RASSF9: variants seen among roughly 807,000 people sequenced by gnomAD.
RASSF9 encodes the protein Ras association domain family member 9, also known as ras association domain-containing protein 9.
Under a neutral mutation model 21.4 loss-of-function variants are expected in RASSF9, and 18 were observed. That is an observed-to-expected ratio of 0.84 (90% CI 0.58 to 1.25). The LOEUF is 1.25. Ranked by LOEUF, RASSF9 falls within the 50% of genes most tolerant of loss-of-function variation. The probability of loss-of-function intolerance (pLI) is 0.00; values close to 1 mark genes in which losing one functional copy is unlikely to be tolerated. For synonymous variants in RASSF9, 183 were observed against 179.1 expected, an observed-to-expected ratio of 1.02 and a Z score of -0.18; for missense variants, 480 against 503.2, an observed-to-expected ratio of 0.95 and a Z score of 0.44.
At chr12:85,816,270 A>G (rs1048787987) in intron 1 of RASSF9, among the ~76,000 whole-genome samples, 1 of 151,696 alleles carries the variant, frequency 6.6e-6, no homozygotes, top group Non-Finnish European at 1.5e-5. Context: ...AAGTTTACCT[A>G]TGTAACAAAC....
At chr12:85,832,986 T>C (rs997725194) in intron 1 of RASSF9, among the ~76,000 whole-genome samples, 1 of 151,882 alleles carries the variant, frequency 6.6e-6, no homozygotes, top group African/African-American at 2.4e-5. Flanking sequence ...ATGAAAAGCC[T>C]GATTATATTT....
At chr12:85,806,602 G>C (rs531495432) in intron 1 of RASSF9, among the ~76,000 whole-genome samples, 6 of 148,032 alleles carry the variant, frequency 4.1e-5, no homozygotes, top group African/African-American at 1.2e-4. Context: ...TAATCCAGGA[G>C]GCGGTGGTTG....
intron 1 of RASSF9, among the ~76,000 whole-genome samples, chr12:85,818,956 C>CAAAAAAAAAAAAAAAAAAAAAAAAA: frequency 1.5e-5 from 1 of 66,626 alleles, no homozygotes; most frequent in Non-Finnish European, 2.7e-5. Context: ...GAGACTCCGT[C>CAAAAAAAAAAAAAAAAAAAAAAAAA]AAAAAAAAAA....
At chr12:85,826,526 C>T (rs1880337591) in intron 1 of RASSF9, among the ~76,000 whole-genome samples, 1 of 147,614 alleles carries the variant, frequency 6.8e-6, no homozygotes, top group Non-Finnish European at 1.5e-5. Context: ...CGGTTCACTG[C>T]AAGCTCCGCC....
chr12:85,818,775 A>G (rs1880136143), intron 1 of RASSF9, among the ~76,000 whole-genome samples: 1 of 151,942 alleles, frequency 6.6e-6, no homozygotes, highest in African/African-American at 2.4e-5. Context: ...CCTGGCCAAC[A>G]TGGTGAAACC....
At position 85,820,539 on chromosome 12, in the gene RASSF9, C is replaced by G. The variant is rs1880183478; in HGVS notation, c.48-14577G>C. ...AATATTTAAGGTTTACATGAAACAT[C>G]TATAATGCACAAATTCAACTTTTTT... On this transcript the variant is annotated intron_variant, in intron 1 of 1. Transcript: ENST00000361228. Among the ~76,000 whole-genome samples the G allele has an allele frequency of 2.0e-5, 3 of 152,104 alleles. No homozygotes were observed. In the South Asian group the frequency reaches 6.2e-4, roughly 32 times the overall value.
intron 1 of RASSF9, among the ~76,000 whole-genome samples, chr12:85,833,465 T>C (rs1253954179): frequency 6.6e-6 from 1 of 151,960 alleles, no homozygotes; most frequent in East Asian, 1.9e-4. Context: ...ACTTTGAAGT[T>C]TTAATTGCAT....
intron 1 of RASSF9, among the ~76,000 whole-genome samples, chr12:85,812,585 A>G (rs1879976656): frequency 6.6e-6 from 1 of 151,312 alleles, no homozygotes; most frequent in Admixed American, 6.6e-5. Flanking sequence ...AAATTTAGCT[A>G]AATCTTTTTT....
At chr12:85,820,392 C>T (rs1418400459) in intron 1 of RASSF9, among the ~76,000 whole-genome samples, 1 of 152,134 alleles carries the variant, frequency 6.6e-6, no homozygotes, top group African/African-American at 2.4e-5. Context: ...GAAATTTCTT[C>T]ACTTTAGGAA....
In RASSF9 at chr12:85,801,913, A is replaced by G. The variant is rs529722051; in HGVS notation, c.*2789T>C. 182 of 152,358 alleles carry G rather than the reference A, an allele frequency of 1.2e-3. 1 individual carries two copies. The highest frequency in any genetic ancestry group is 4.2e-3 in the African/African-American group (176 of 41,598). The allele number at this position is 152,358 out of a possible 1,614,324, so 9.4% of individuals were successfully genotyped here. ...AATAAAAATGCTTCTTATGAGAAGT[A>G]CCTCTAAAATATTTCTGGGTTCAGA... On this transcript the variant is annotated 3_prime_UTR_variant, in exon 2 of 2. Transcript: ENST00000361228.
intron 1 of RASSF9, among the ~76,000 whole-genome samples, chr12:85,831,592 G>A (rs1261649345): frequency 5.3e-5 from 8 of 151,800 alleles, no homozygotes; most frequent in African/African-American, 1.9e-4. Context: ...TATAATCAGG[G>A]GAAATCACTT....
In RASSF9 at chr12:85,804,464, T is replaced by A. The variant is rs529399700; in HGVS notation, c.*238A>T. On this transcript the variant is annotated 3_prime_UTR_variant, in exon 2 of 2. Coordinates refer to ENST00000361228, the MANE Select transcript of RASSF9 (RefSeq NM_005447.4). ...TTCCCATCAAATTATTTCTGTGTTC[T>A]ACAACGACAAGCTATTTGTGCTGCA... The A allele has an allele frequency of 1.7e-5, 7 of 414,178 alleles. No individual in the cohort carries two copies. The highest frequency in any genetic ancestry group is 1.4e-4 in the African/African-American group (7 of 49,584). 25.7% of individuals were successfully genotyped at this position (414,178 alleles called of 1,614,324 possible). A position where few individuals can be genotyped will look rare whatever the true frequency, so the allele number is the denominator to read the frequency against.
intron 1 of RASSF9, among the ~76,000 whole-genome samples, chr12:85,808,081 A>G (rs911417657): frequency 2.6e-5 from 4 of 152,146 alleles, no homozygotes; most frequent in African/African-American, 9.6e-5. Context: ...CCTGCCTTCT[A>G]TAATAATTTA....
chr12:85,804,636 T>G lies in RASSF9; in HGVS notation c.*66A>C. On this transcript the variant is annotated 3_prime_UTR_variant, in exon 2 of 2. Transcript: ENST00000361228. ...ATTTTTTTGAGTGTTATATTTAAAA[T>G]GAGGTTTCCTATTAAATTAAACAAA... 14 of 1,395,296 alleles carry G rather than the reference T, an allele frequency of 1.0e-5. No individual in the cohort carries two copies. The highest frequency in any genetic ancestry group is 1.3e-5 in the Non-Finnish European group (13 of 1,035,684). 86.4% of individuals were successfully genotyped at this position (1,395,296 alleles called of 1,614,324 possible).
rs1388834473 is a variant in RASSF9, at chr12:85,836,197, G to T, written c.5C>A (p.Ala2Asp). The stretch of plus-strand genomic sequence containing the variant: ...CTTTAGCAAGTTTCTTCCAAAGGGA[G>T]CCATGGTCTGTCGGGCAAACGAATA... MAPFGRNLLKTR... is the reference protein window; with the variant it reads MDPFGRNLLKTR... Residue 2 changes from alanine (A) to aspartate (D), a missense_variant, in exon 1 of 2, where the codon GCT becomes GAT. Transcript: ENST00000361228. 6.5e-7 allele frequency: 1 copy of T among 1,549,114 alleles called. No homozygotes were observed. Among genetic ancestry groups the T allele is most frequent in the Non-Finnish European group, 8.7e-7 (1 of 1,146,326 alleles).
intron 1 of RASSF9, among the ~76,000 whole-genome samples, chr12:85,822,337 T>G (rs1880229275): frequency 2.0e-5 from 3 of 152,196 alleles, no homozygotes; most frequent in Non-Finnish European, 4.4e-5. Flanking sequence ...GTTATCCAGT[T>G]GGATAGCTGA....
chr12:85,827,790 T>C (rs534238191), intron 1 of RASSF9, among the ~76,000 whole-genome samples: 57 of 152,312 alleles, frequency 3.7e-4, no homozygotes, highest in African/African-American at 1.4e-3. Flanking sequence ...ACAAGCCAAC[T>C]CTTCCCAGAC....
chr12:85,804,576 T>G lies in RASSF9; in HGVS notation c.*126A>C. On this transcript the variant is annotated 3_prime_UTR_variant, in exon 2 of 2. Transcript: ENST00000361228. Reference sequence around the variant, plus strand: ...ATCAGAAACAACACATTTCTCGAGTTTTTATTAACTATTGAATACTACAAT... The same window carrying G: ...ATCAGAAACAACACATTTCTCGAGTGTTTATTAACTATTGAATACTACAAT... 1 of 976,286 alleles carries G rather than the reference T, an allele frequency of 1.0e-6. No individual in the cohort carries two copies. The highest frequency in any genetic ancestry group is 2.9e-5 in the East Asian group (1 of 34,972). 60.5% of individuals were successfully genotyped at this position (976,286 alleles called of 1,614,324 possible). A position where few individuals can be genotyped will look rare whatever the true frequency, so the allele number is the denominator to read the frequency against.
chr12:85,822,546 T>C (rs10128827), intron 1 of RASSF9, among the ~76,000 whole-genome samples: 3,929 of 152,254 alleles, frequency 0.026, 181 homozygotes, highest in African/African-American at 0.09. Flanking sequence ...GCCACTCTAT[T>C]TTGTTAAGGA....
Sources: allele counts gnomAD v4.1 joint callset (sites outside exome capture counted in the v4.1 genomes callset), GRCh38; gene constraint gnomAD v4.1.1; transcripts MANE v1.5; gene names NCBI Gene and HGNC (gene_info 2026-07-23, HGNC 2026-07-21).